Variants in NRXN3 observed in about 807,000 individuals in gnomAD.
NRXN3 encodes the protein neurexin 3, also known as neurexin III.
NRXN3 carries 32 observed loss-of-function variants against 137.6 expected under a neutral mutation model. The observed-to-expected ratio is 0.23, with a 90% CI of 0.18 to 0.31. NRXN3 has a LOEUF of 0.31. Ranked by LOEUF, NRXN3 falls within the 10% of genes least tolerant of loss-of-function variation. NRXN3 has a pLI of 1.00. For synonymous variants in NRXN3, 798 were observed against 784.5 expected (o/e 1.02, Z -0.29); for missense variants, 1,574 against 2,062.5 (o/e 0.76, Z 4.59).
At chr14:79,242,163 T>G (rs2074412953) in intron 15 of NRXN3, among the ~76,000 whole-genome samples, 1 of 152,082 alleles carries the variant, frequency 6.6e-6, no homozygotes, top group African/African-American at 2.4e-5. Context: ...CTCATAAAAG[T>G]CATGTAACGT....
At chr14:79,710,285 T>TGTAACACTCTTAATATA (rs1271794330) in intron 19 of NRXN3, among the ~76,000 whole-genome samples, 1 of 152,198 alleles carries the variant, frequency 6.6e-6, no homozygotes, top group African/African-American at 2.4e-5. Context: ...TTCGTTGCTC[T>TGTAACACTCTTAATATA]GTAACACTCT....
At chr14:78,993,586 T>C (rs1306590646) in intron 15 of NRXN3, among the ~76,000 whole-genome samples, 1 of 152,224 alleles carries the variant, frequency 6.6e-6, no homozygotes, top group East Asian at 1.9e-4. Flanking sequence ...GAATGCACTT[T>C]ATCATGTATT....
chr14:79,188,163 G>A (rs1435505863), intron 15 of NRXN3, among the ~76,000 whole-genome samples: 1 of 152,098 alleles, frequency 6.6e-6, no homozygotes, highest in Non-Finnish European at 1.5e-5. Flanking sequence ...TCAAAAAATA[G>A]CATGAATTTA....
intron 15 of NRXN3, among the ~76,000 whole-genome samples, chr14:79,108,708 GC>G (rs1213848783): frequency 1.3e-5 from 2 of 152,048 alleles, no homozygotes; most frequent in Non-Finnish European, 2.9e-5. Flanking sequence ...TGAACTCTCT[GC>G]TTCTAGTTTA....
chr14:79,360,220 T>C (rs1193496965), intron 15 of NRXN3, among the ~76,000 whole-genome samples: 1 of 152,210 alleles, frequency 6.6e-6, no homozygotes, highest in Admixed American at 6.5e-5. Flanking sequence ...ATTTTTCCCC[T>C]TTGCCCTAGT....
intron 15 of NRXN3, among the ~76,000 whole-genome samples, chr14:79,133,504 C>A (rs776579370): frequency 6.6e-6 from 1 of 152,156 alleles, no homozygotes; most frequent in Non-Finnish European, 1.5e-5. Flanking sequence ...GCTTAACTCT[C>A]ATTACTACCT....
chr14:79,161,731 G>A (rs1024760933), intron 15 of NRXN3, among the ~76,000 whole-genome samples: 7 of 151,948 alleles, frequency 4.6e-5, no homozygotes, highest in African/African-American at 7.2e-5. Flanking sequence ...AAATGGCAAA[G>A]TGAAGCCTCT....
intron 17 of NRXN3, among the ~76,000 whole-genome samples, chr14:79,677,453 A>G (rs1012838784): frequency 4.6e-5 from 7 of 152,126 alleles, no homozygotes; most frequent in Non-Finnish European, 1.0e-4. Context: ...AATAGAACTG[A>G]AATGTCTTTA....
chr14:79,241,565 A>T (rs1287188585), intron 15 of NRXN3, among the ~76,000 whole-genome samples: 1 of 152,124 alleles, frequency 6.6e-6, no homozygotes, highest in African/African-American at 2.4e-5. Flanking sequence ...TGCCCCCATG[A>T]TTCAGTTATC....
intron 16 of NRXN3, among the ~76,000 whole-genome samples, chr14:79,610,545 A>G (rs947855109): frequency 1.3e-5 from 2 of 152,210 alleles, no homozygotes; most frequent in Non-Finnish European, 2.9e-5. Flanking sequence ...GTGTCACTTT[A>G]TTTAAATATG....
chr14:79,331,288 A>G (rs932027987), intron 15 of NRXN3, among the ~76,000 whole-genome samples: 1 of 152,206 alleles, frequency 6.6e-6, no homozygotes, highest in African/African-American at 2.4e-5. Flanking sequence ...ATGCTTATGC[A>G]CAAGGTATAA....
At chr14:79,518,410 AT>A (rs2097020467) in intron 16 of NRXN3, among the ~76,000 whole-genome samples, 1 of 151,926 alleles carries the variant, frequency 6.6e-6, no homozygotes, top group Non-Finnish European at 1.5e-5. Flanking sequence ...ATTTTATATA[AT>A]TTCATATGTC....
chr14:78,560,186 C>T (rs750830732), intron 4 of NRXN3, among the ~76,000 whole-genome samples: 2 of 152,182 alleles, frequency 1.3e-5, no homozygotes, highest in Admixed American at 6.5e-5. Flanking sequence ...CTGTTTTCCT[C>T]CCTACTTTAA....
intron 15 of NRXN3, among the ~76,000 whole-genome samples, chr14:79,269,199 G>A (rs1192387477): frequency 3.3e-5 from 5 of 152,134 alleles, no homozygotes; most frequent in Admixed American, 6.5e-5. Flanking sequence ...TCAGGTGCCC[G>A]CCACCACGCC....
intron 16 of NRXN3, among the ~76,000 whole-genome samples, chr14:79,538,579 TG>T (rs1196030670): frequency 1.3e-5 from 2 of 152,222 alleles, no homozygotes; most frequent in Non-Finnish European, 2.9e-5. Flanking sequence ...CACTTCTTAA[TG>T]GGGTGGTTTG....
intron 18 of NRXN3, among the ~76,000 whole-genome samples, chr14:79,697,229 T>C (rs1253253057): frequency 6.6e-6 from 1 of 152,044 alleles, no homozygotes; most frequent in Non-Finnish European, 1.5e-5. Context: ...ATTCTTTTCA[T>C]TCTCATTATT....
intron 15 of NRXN3, among the ~76,000 whole-genome samples, chr14:79,190,226 T>A (rs554728736): frequency 5.4e-4 from 82 of 152,278 alleles, no homozygotes; most frequent in Admixed American, 1.8e-3. Context: ...ATTTTTTTTT[T>A]AATCATCATC....
chr14:79,326,182 T>G (rs781279991), intron 15 of NRXN3, among the ~76,000 whole-genome samples: 4 of 152,210 alleles, frequency 2.6e-5, no homozygotes, highest in Non-Finnish European at 4.4e-5. Flanking sequence ...GTGATGATAA[T>G]GTATTTCAGA....
At chr14:79,793,256 AC>A (rs1468273106) in intron 19 of NRXN3, among the ~76,000 whole-genome samples, 1 of 151,482 alleles carries the variant, frequency 6.6e-6, no homozygotes, top group East Asian at 1.9e-4. Flanking sequence ...CCGGTGAAAC[AC>A]CATCTCTACT....
Sources: gnomAD v4.1 joint callset for allele counts (sites outside exome capture counted in the v4.1 genomes callset) on GRCh38, gnomAD v4.1.1 for gene constraint, MANE v1.5 for transcripts, NCBI Gene and HGNC (gene_info 2026-07-23, HGNC 2026-07-21) for gene names.